Variants in SH3GL2 observed in about 807,000 individuals in gnomAD.
SH3GL2 encodes the protein SH3 domain containing GRB2 like 2, endophilin A1, also known as endophilin-A1.
Under a neutral mutation model 46.0 loss-of-function variants are expected in SH3GL2, and 24 were observed. The ratio of observed to expected loss-of-function variants is 0.52; its 90% CI spans 0.38 to 0.73. SH3GL2 has a LOEUF of 0.73. Ranked by LOEUF, SH3GL2 falls within the 30% of genes least tolerant of loss-of-function variation. The pLI is 0.00. For missense variants in SH3GL2, 413 were observed against 424.2 expected, an observed-to-expected ratio of 0.97 and a Z score of 0.23; for synonymous variants, 196 against 147.1, an observed-to-expected ratio of 1.33 and a Z score of -2.40.
chr9:17,730,811 A>G (rs1404230890), intron 1 of SH3GL2, among the ~76,000 whole-genome samples: 2 of 152,098 alleles, frequency 1.3e-5, no homozygotes, highest in Non-Finnish European at 2.9e-5. Flanking sequence ...AATTTTCAGG[A>G]AACTATAGTT....
intron 1 of SH3GL2, among the ~76,000 whole-genome samples, chr9:17,702,570 T>G (rs574112496): frequency 7.3e-4 from 111 of 152,226 alleles, no homozygotes; most frequent in Non-Finnish European, 1.3e-3. Flanking sequence ...ATGACTGAAT[T>G]TCTTTATTTT....
chr9:17,722,514 T>A (rs990361650), intron 1 of SH3GL2, among the ~76,000 whole-genome samples: 3 of 152,028 alleles, frequency 2.0e-5, no homozygotes, highest in African/African-American at 7.2e-5. Context: ...TTTTTTTTCT[T>A]ATTTTTTTAT....
intron 1 of SH3GL2, among the ~76,000 whole-genome samples, chr9:17,632,093 G>A (rs181895670): frequency 1.3e-5 from 2 of 151,996 alleles, no homozygotes; most frequent in East Asian, 1.9e-4. Context: ...AATACATTTT[G>A]GGGGAAAAAT....
chr9:17,751,368 G>A (rs1822837443), intron 2 of SH3GL2, among the ~76,000 whole-genome samples: 1 of 152,136 alleles, frequency 6.6e-6, no homozygotes, highest in Non-Finnish European at 1.5e-5. Context: ...AGCCCAAGTG[G>A]TAGAGCTAGA....
chr9:17,634,520 C>T (rs960773239), intron 1 of SH3GL2, among the ~76,000 whole-genome samples: 1 of 152,142 alleles, frequency 6.6e-6, no homozygotes, highest in African/African-American at 2.4e-5. Context: ...TAGTATAATA[C>T]CTCACTCATT....
chr9:17,759,443 G>T (rs1221674970), intron 2 of SH3GL2, among the ~76,000 whole-genome samples: 1 of 152,202 alleles, frequency 6.6e-6, no homozygotes, highest in African/African-American at 2.4e-5. Context: ...CAGATTGGGA[G>T]ATGCCTCTGT....
At chr9:17,601,474 G>A (rs1193612884) in intron 1 of SH3GL2, among the ~76,000 whole-genome samples, 1 of 152,162 alleles carries the variant, frequency 6.6e-6, no homozygotes, top group East Asian at 1.9e-4. Flanking sequence ...TGCCTCTGCA[G>A]TTTGGTTCTC....
intron 1 of SH3GL2, among the ~76,000 whole-genome samples, chr9:17,744,777 A>G (rs1399725051): frequency 6.6e-6 from 1 of 152,238 alleles, no homozygotes; most frequent in Non-Finnish European, 1.5e-5. Flanking sequence ...ACAAGGTCAC[A>G]GTTGGTACAG....
chr9:17,606,060 G>A (rs925524024), intron 1 of SH3GL2, among the ~76,000 whole-genome samples: 1 of 150,422 alleles, frequency 6.6e-6, no homozygotes, highest in Non-Finnish European at 1.5e-5. Flanking sequence ...AACCTTGACG[G>A]CGGGGTCAGC....
intron 1 of SH3GL2, among the ~76,000 whole-genome samples, chr9:17,606,162 A>T (rs1818757701): frequency 6.6e-6 from 1 of 152,044 alleles, no homozygotes; most frequent in African/African-American, 2.4e-5. Flanking sequence ...GCGTGATCTC[A>T]GCTCACTGCA....
chr9:17,673,664 A>G (rs1820532453), intron 1 of SH3GL2, among the ~76,000 whole-genome samples: 1 of 152,140 alleles, frequency 6.6e-6, no homozygotes, highest in Non-Finnish European at 1.5e-5. Flanking sequence ...ATGTCTTGCC[A>G]TTCCCCAAAC....
chr9:17,652,991 G>C lies in SH3GL2; in HGVS notation c.45+73704G>C, dbSNP rs909196922. 3.9e-5 allele frequency among the ~76,000 whole-genome samples: 6 copies of C among 152,118 alleles called. No homozygotes were observed. The East Asian group carries it at 1.2e-3, about 29-fold the overall frequency. ...TTTTGGCTGCAATTCTATTCTGTCT[G>C]ATAATAAAATTGCTTCATGGGGTTT... On this transcript the variant is annotated intron_variant, in intron 1 of 8. Coordinates refer to ENST00000380607, the MANE Select transcript of SH3GL2 (RefSeq NM_003026.5).
chr9:17,681,910 A>G (rs575906710), intron 1 of SH3GL2, among the ~76,000 whole-genome samples: 2 of 152,212 alleles, frequency 1.3e-5, no homozygotes, highest in Non-Finnish European at 2.9e-5. Flanking sequence ...ACTTCTCAAA[A>G]GAAGACATGT....
chr9:17,726,142 C>T (rs1822014882), intron 1 of SH3GL2, among the ~76,000 whole-genome samples: 1 of 152,066 alleles, frequency 6.6e-6, no homozygotes, highest in South Asian at 2.1e-4. Context: ...GTAATTTTCA[C>T]CAGTTAAATA....
At chr9:17,718,334 A>G (rs1821811044) in intron 1 of SH3GL2, among the ~76,000 whole-genome samples, 1 of 152,130 alleles carries the variant, frequency 6.6e-6, no homozygotes, top group Admixed American at 6.6e-5. Flanking sequence ...AAAATTAAGA[A>G]CTGCTGTATA....
chr9:17,666,788 C>T (rs75995301), intron 1 of SH3GL2, among the ~76,000 whole-genome samples: 15,218 of 151,992 alleles, frequency 0.1, 972 homozygotes, highest in Admixed American at 0.18. Flanking sequence ...AGTAATATTG[C>T]TAGATCAAAA....
At chr9:17,764,157 G>A (rs1415420401) in intron 3 of SH3GL2, among the ~76,000 whole-genome samples, 2 of 152,166 alleles carry the variant, frequency 1.3e-5, no homozygotes, top group Admixed American at 1.3e-4. Flanking sequence ...TTCGAGGTTG[G>A]TTTCAGAAAA....
chr9:17,774,736 A>C (rs1026209632), intron 3 of SH3GL2, among the ~76,000 whole-genome samples: 2 of 152,078 alleles, frequency 1.3e-5, no homozygotes, highest in African/African-American at 2.4e-5. Flanking sequence ...ATCGTAAGAG[A>C]TATTGGTCTG....
At chr9:17,741,890 G>A (rs1822538012) in intron 1 of SH3GL2, among the ~76,000 whole-genome samples, 1 of 145,826 alleles carries the variant, frequency 6.9e-6, no homozygotes, top group African/African-American at 2.4e-5. Flanking sequence ...CAGCTCAGAT[G>A]GGGAGTCACA....
Sources: gnomAD v4.1 joint callset for allele counts (sites outside exome capture counted in the v4.1 genomes callset) on GRCh38, gnomAD v4.1.1 for gene constraint, MANE v1.5 for transcripts, NCBI Gene and HGNC (gene_info 2026-07-23, HGNC 2026-07-21) for gene names.